PTPN18: variants seen among roughly 807,000 people sequenced by gnomAD.
PTPN18 encodes the protein tyrosine-protein phosphatase non-receptor type 18.
In PTPN18, 65 loss-of-function variants were observed where a neutral mutation model predicts 65.4. That is an observed-to-expected ratio of 0.99 (90% CI 0.81 to 1.22). PTPN18 has a LOEUF of 1.22. Ranked by LOEUF, PTPN18 falls within the 50% of genes most tolerant of loss-of-function variation. PTPN18 has a pLI of 0.00. For synonymous variants in PTPN18, 255 were observed against 267.8 expected (o/e 0.95, Z 0.47); for missense variants, 616 against 646.5 (o/e 0.95, Z 0.51).
intron 5 of PTPN18, among the ~76,000 whole-genome samples, chr2:130,361,730 G>T (rs1300056792): frequency 1.3e-5 from 2 of 151,962 alleles, no homozygotes; most frequent in African/African-American, 4.8e-5. Flanking sequence ...TGGGATTGCA[G>T]GTGCCTGCCA....
rs1303958730 is a variant in PTPN18, at chr2:130,366,538, G to GC, written c.415-2595_415-2594insC. Among the ~76,000 whole-genome samples the GC allele has an allele frequency of 8.5e-5, 13 of 152,254 alleles. No individual in the cohort carries two copies. In the East Asian group the frequency reaches 2.1e-3, roughly 25 times the overall value. ...ATTGAGAATTTTTGTGTCTATGTTT[G>GC]TGAGATATTGGTTAGTAGTTTTCTT... On this transcript the variant is annotated intron_variant, in intron 5 of 14. Transcript: ENST00000175756.
At chr2:130,356,452 C>T in intron 1 of PTPN18, 3 of 536,444 alleles carry the variant, frequency 5.6e-6, no homozygotes, top group South Asian at 3.8e-5. Context: ...CACCCTCGTT[C>T]CCGGTGTCCT....
At chr2:130,356,727 T>C (rs1472861754) in intron 1 of PTPN18, 2 of 434,408 alleles carry the variant, frequency 4.6e-6, no homozygotes, top group Non-Finnish European at 9.8e-6. Flanking sequence ...GTCCCGGCCA[T>C]CCGCGTGTGG....
Position 130,370,234 on chromosome 2 carries a change from A to T in PTPN18, c.689+44A>T, listed in dbSNP as rs1292064186. The T allele has an allele frequency of 3.1e-6, 5 of 1,602,656 alleles. No individual in the cohort carries two copies. In the African/African-American group the frequency reaches 4.0e-5, roughly 13 times the overall value. ...AGGAGGGTCTGGTGAGGCAGAGGGG[A>T]CAGAGCATGGAGGGGAGTACAGGGC... On this transcript the variant is annotated intron_variant, in intron 8 of 14. Transcript: ENST00000175756.
chr2:130,373,416 G>T lies in PTPN18; in HGVS notation c.*192G>T. On this transcript the variant is annotated 3_prime_UTR_variant, in exon 15 of 15. Coordinates refer to ENST00000175756, the MANE Select transcript of PTPN18 (RefSeq NM_014369.4). The surrounding 1 kb of genome is among the most constrained non-coding windows in gnomAD (Gnocchi z 4.1). ...CTTGAGGCTGGAGGAGGTAGCTAGG[G>T]TATAGTGGCTGGTGAGGCTGCACAG... 3.4e-6 allele frequency: 2 copies of T among 585,098 alleles called. No homozygotes were observed. The highest frequency in any genetic ancestry group is 5.8e-6 in the Non-Finnish European group (2 of 342,552). 36.2% of individuals were successfully genotyped at this position (585,098 alleles called of 1,614,324 possible).
rs754628476 is a variant in PTPN18 at position 130,373,192 on chromosome 2, C to CG, written c.1354dup (p.Asp452GlyfsTer5). 21 of 1,601,296 alleles carry CG rather than the reference C, an allele frequency of 1.3e-5. No individual in the cohort carries two copies. Among genetic ancestry groups the CG allele is most frequent in the Non-Finnish European group, 1.8e-5 (21 of 1,174,084 alleles). ...GCGCATTGGGAGGCCGAAGGGTCCCCGGGACCCGCCTGCTGAGTGGACCCG... is the reference window on the plus strand; with the variant it reads ...GCGCATTGGGAGGCCGAAGGGTCCCCGGGGACCCGCCTGCTGAGTGGACCCG... On this transcript the variant is annotated frameshift_variant, in exon 15 of 15. Transcript: ENST00000175756. LOFTEE classifies it high-confidence loss of function. This position sits in a 1 kb window ranked among gnomAD's most constrained non-coding sequence, Gnocchi z 4.1.
chr2:130,367,729 C>T (rs1318712119), intron 5 of PTPN18, among the ~76,000 whole-genome samples: 3 of 152,006 alleles, frequency 2.0e-5, no homozygotes, highest in East Asian at 3.9e-4. Context: ...CATGATCTGC[C>T]TTGGCGTGAC....
Position 130,359,472 on chromosome 2 carries a change from G to T in PTPN18, c.355G>T (p.Val119Phe), listed in dbSNP as rs1222239954. 1.2e-6 allele frequency: 2 copies of T among 1,614,200 alleles called. No homozygotes were observed. Among genetic ancestry groups the T allele is most frequent in the Non-Finnish European group, 8.5e-7 (1 of 1,180,042 alleles). Residue 119 changes from valine (V) to phenylalanine (F), a missense_variant, in exon 4 of 15, where the codon GTC becomes TTC. Physicochemically the swap from Val to Phe is conservative, Grantham distance 50 (BLOSUM62 -1). This residue lies in a region of PTPN18 where 223 missense variants were observed against 210.0 expected (regional missense o/e 1.06). Coordinates refer to ENST00000175756, the MANE Select transcript of PTPN18 (RefSeq NM_014369.4). The part of the protein sequence containing the change: ...PHTLLDFWRL[V>F]WEFGVKVILM... ...CACCCTGCTAGACTTCTGGAGACTG[G>T]TCTGGGAGTTTGGGGTCAAGGTCAG...
At position 130,368,900 on chromosome 2, in the gene PTPN18, C is replaced by T. The variant is rs1294527639; in HGVS notation, c.415-233C>T. On this transcript the variant is annotated intron_variant, in intron 5 of 14. Coordinates refer to ENST00000175756, the MANE Select transcript of PTPN18 (RefSeq NM_014369.4). ...ATTTTGTCCAGTTTCTAGTTGCTTA[C>T]AGTGGGAGGGTATCCTGGACTGTAT... 3.4e-5 allele frequency: 14 copies of T among 417,098 alleles called. No homozygotes were observed. In the South Asian group the frequency reaches 6.2e-4, roughly 19 times the overall value. The allele number at this position is 417,098 out of a possible 1,614,324, so 25.8% of individuals were successfully genotyped here. A position where few individuals can be genotyped will look rare whatever the true frequency, so the allele number is the denominator to read the frequency against.
At chr2:130,372,206 G>A in intron 12 of PTPN18, 51 bp from the exon 13 acceptor site, 1 of 1,513,164 alleles carries the variant, frequency 6.6e-7, no homozygotes. Flanking sequence ...CCCCACTCCC[G>A]CCCTGCCCAG....
intron 13 of PTPN18, 86 bp downstream of exon 13, chr2:130,372,569 G>A: frequency 7.3e-7 from 1 of 1,377,712 alleles, no homozygotes; most frequent in East Asian, 2.6e-5. Flanking sequence ...GTCAGGCCCT[G>A]GCGGCCGCGG....
intron 1 of PTPN18, 141 bp from the exon 2 acceptor site, chr2:130,358,726 G>C: frequency 1.5e-6 from 1 of 660,226 alleles, no homozygotes; most frequent in Non-Finnish European, 2.7e-6. Flanking sequence ...TATTAGGCAG[G>C]CCCAGTGCCA....
chr2:130,358,510 G>T (rs1169883352), intron 1 of PTPN18, among the ~76,000 whole-genome samples: 1 of 152,150 alleles, frequency 6.6e-6, no homozygotes, highest in Admixed American at 6.5e-5. Flanking sequence ...GGTGCCGAGA[G>T]GGTCTGAGTT....
intron 7 of PTPN18, 42 bp from the exon 8 acceptor site, chr2:130,370,006 T>C (rs957425550): frequency 6.2e-7 from 1 of 1,606,530 alleles, no homozygotes; most frequent in East Asian, 2.2e-5. Flanking sequence ...GCTTTTTTCT[T>C]TTTTTTCCTA....
rs563797558 is a variant in PTPN18, at chr2:130,368,866, G to A, written c.415-267G>A. ...CTGCCAACCAGTGTCTGAAAATAGT[G>A]GCTCATGTATTTTGTCCAGTTTCTA... On this transcript the variant is annotated intron_variant, in intron 5 of 14. Coordinates refer to ENST00000175756, the MANE Select transcript of PTPN18 (RefSeq NM_014369.4). 25 of 324,054 alleles carry A rather than the reference G, an allele frequency of 7.7e-5. No homozygotes were observed. The South Asian group carries it at 1.4e-3, about 19-fold the overall frequency. 20.1% of individuals were successfully genotyped at this position (324,054 alleles called of 1,614,324 possible). A position where few individuals can be genotyped will look rare whatever the true frequency, so the allele number is the denominator to read the frequency against.
chr2:130,356,646 C>T lies in PTPN18; in HGVS notation c.93+446C>T, dbSNP rs1408073580. ...GCGAAGAGGAACACGGAGGCTGTGG[C>T]GTGGTGAGGGTGTGAACGCCGGGCT... is the stretch of plus-strand genomic sequence containing the variant. On this transcript the variant is annotated intron_variant, in intron 1 of 14. Transcript: ENST00000175756. The T allele has an allele frequency of 6.4e-6, 3 of 470,592 alleles. No homozygotes were observed. In the Admixed American group the frequency reaches 7.1e-5, roughly 11 times the overall value. The allele number at this position is 470,592 out of a possible 1,614,324, so 29.2% of individuals were successfully genotyped here. A position where few individuals can be genotyped will look rare whatever the true frequency, so the allele number is the denominator to read the frequency against.
chr2:130,367,435 A>G (rs1680420907), intron 5 of PTPN18, among the ~76,000 whole-genome samples: 1 of 151,942 alleles, frequency 6.6e-6, no homozygotes, highest in Non-Finnish European at 1.5e-5. Context: ...GCACTTTGGG[A>G]GGCCAAGGTA....
At chr2:130,371,700 A>G (rs978068140) in intron 12 of PTPN18, among the ~76,000 whole-genome samples, 1 of 152,208 alleles carries the variant, frequency 6.6e-6, no homozygotes, top group Non-Finnish European at 1.5e-5. Flanking sequence ...CTGTAATCCC[A>G]GCTACTCCGG....
intron 5 of PTPN18, among the ~76,000 whole-genome samples, chr2:130,365,355 T>C (rs1680346949): frequency 6.6e-6 from 1 of 152,240 alleles, no homozygotes; most frequent in Non-Finnish European, 1.5e-5. Context: ...GTTTTGGTTT[T>C]CATGTGCTTA....
Sources: gnomAD v4.1 joint callset for allele counts (sites outside exome capture counted in the v4.1 genomes callset) on GRCh38, gnomAD v4.1.1 for gene constraint, gnomAD v4.1.1 regional missense constraint, Gnocchi (gnomAD v3.1) non-coding constraint, MANE v1.5 for transcripts, NCBI Gene and HGNC (gene_info 2026-07-23, HGNC 2026-07-21) for gene names.